The following AFG1L variants were observed in gnomAD, a reference collection of about 807,000 sequenced individuals.
AFG1L encodes the protein AFG1 like ATPase.
A neutral mutation model predicts 62.2 loss-of-function variants in AFG1L; 53 were observed. That is an observed-to-expected ratio of 0.85 (90% CI 0.68 to 1.07). The LOEUF (loss-of-function observed/expected upper bound fraction) is 1.07. Ranked by LOEUF, AFG1L falls within the 50% of genes least tolerant of loss-of-function variation. The pLI is 0.00. For synonymous variants in AFG1L, 228 were observed against 210.3 expected, an observed-to-expected ratio of 1.08 and a Z score of -0.73; for missense variants, 555 against 590.5, an observed-to-expected ratio of 0.94 and a Z score of 0.62.
chr6:108,394,502 C>G (rs1781206723), intron 6 of AFG1L, among the ~76,000 whole-genome samples: 1 of 152,130 alleles, frequency 6.6e-6, no homozygotes, highest in Non-Finnish European at 1.5e-5. Flanking sequence ...CCCCAGGCAG[C>G]TACTGATTAG....
intron 7 of AFG1L, among the ~76,000 whole-genome samples, chr6:108,439,901 CA>C (rs1266580509): frequency 2.0e-5 from 3 of 151,672 alleles, no homozygotes; most frequent in Non-Finnish European, 4.4e-5. Context: ...GTATTCTTAG[CA>C]AAAAAAGTTA....
chr6:108,524,426 A>G lies in AFG1L; in HGVS notation c.*2001A>G. 1 of 152,360 alleles carries G rather than the reference A, an allele frequency of 6.6e-6. No individual in the cohort carries two copies. The highest frequency in any genetic ancestry group is 1.5e-5 in the Non-Finnish European group (1 of 68,044). The allele number at this position is 152,360 out of a possible 1,614,324, so 9.4% of individuals were successfully genotyped here. A position where few individuals can be genotyped will look rare whatever the true frequency, so the allele number is the denominator to read the frequency against. ...AAGTTATGTTATAAAAGTTCATCTG[A>G]GGTCAGATATTGGGAATAAAGTTTC... On this transcript the variant is annotated 3_prime_UTR_variant, in exon 13 of 13. Coordinates refer to ENST00000368977, the MANE Select transcript of AFG1L (RefSeq NM_145315.5).
intron 7 of AFG1L, among the ~76,000 whole-genome samples, chr6:108,431,956 G>A (rs768426166): frequency 6.6e-6 from 1 of 150,512 alleles, no homozygotes; most frequent in Non-Finnish European, 1.5e-5. Context: ...CAGAGTTCCA[G>A]ACACTGACAG....
chr6:108,446,842 T>C (rs967647229), intron 7 of AFG1L, among the ~76,000 whole-genome samples: 2 of 152,076 alleles, frequency 1.3e-5, no homozygotes, highest in South Asian at 2.1e-4. Context: ...CCTGTGGTGC[T>C]TAAGACCCAT....
At chr6:108,385,248 C>G (rs2114570172) in intron 6 of AFG1L, among the ~76,000 whole-genome samples, 1 of 152,334 alleles carries the variant, frequency 6.6e-6, no homozygotes, top group Middle Eastern at 3.4e-3. Context: ...TGGCCATAAA[C>G]AAAATCTCTG....
chr6:108,319,584 A>AATTTTTATTTATCTT (rs1403663008), intron 1 of AFG1L: 1 of 168,692 alleles, frequency 5.9e-6, no homozygotes, highest in African/African-American at 2.4e-5. Context: ...TGGCCAAAAC[A>AATTTTTATTTATCTT]ATTTTTATTT....
At chr6:108,429,567 C>T (rs1024775808) in intron 7 of AFG1L, among the ~76,000 whole-genome samples, 2 of 152,140 alleles carry the variant, frequency 1.3e-5, no homozygotes, top group Admixed American at 1.3e-4. Context: ...TATACTTTGT[C>T]AAAGATCAGC....
Position 108,442,182 on chromosome 6 carries a change from CCTT to C in AFG1L, c.808-5025_808-5023del, listed in dbSNP as rs202169224. ...ATGTTCCCTGCATAAGGACATTTTT[CCTT>C]CTTCTTTTTTTTTTTTACTGGGTGA... is the stretch of plus-strand genomic sequence containing the variant. On this transcript the variant is annotated intron_variant, in intron 7 of 12. Coordinates refer to ENST00000368977, the MANE Select transcript of AFG1L (RefSeq NM_145315.5). Among the ~76,000 whole-genome samples, 589 of 151,014 alleles carry C rather than the reference CCTT, an allele frequency of 3.9e-3. 2 individuals are homozygous for C. Among genetic ancestry groups the C allele is most frequent in the East Asian group, 6.6e-3 (34 of 5,140 alleles).
At chr6:108,335,218 A>G (rs1411041521) in intron 2 of AFG1L, among the ~76,000 whole-genome samples, 1 of 151,848 alleles carries the variant, frequency 6.6e-6, no homozygotes, top group Non-Finnish European at 1.5e-5. Flanking sequence ...TGATCTTCCT[A>G]CCTTGGCCTC....
chr6:108,313,239 C>G, intron 1 of AFG1L, among the ~76,000 whole-genome samples: 1 of 152,274 alleles, frequency 6.6e-6, no homozygotes, highest in East Asian at 1.9e-4. Flanking sequence ...TGCCTTCCTA[C>G]TATACTGGGG....
intron 1 of AFG1L, among the ~76,000 whole-genome samples, chr6:108,296,043 T>G (rs1366959978): frequency 6.6e-6 from 1 of 152,212 alleles, no homozygotes; most frequent in Non-Finnish European, 1.5e-5. Flanking sequence ...CCCTGTAATA[T>G]ACCTTAATAG....
In AFG1L at chr6:108,440,820, C is replaced by CAAAAAAAAAAAAA. The variant is rs372126617; in HGVS notation, c.808-6387_808-6386insAAAAAAAAAAAAA. 2.2e-4 allele frequency among the ~76,000 whole-genome samples: 33 copies of CAAAAAAAAAAAAA among 147,624 alleles called. 1 individual carries two copies. The highest frequency in any genetic ancestry group is 7.4e-3 in the Middle Eastern group (2 of 272). ...TGCACAACAGAGTGAGACTCCATCT[C>CAAAAAAAAAAAAA]AAAAAAAGAAAAAAGGAAAAGAAAA... is the stretch of plus-strand genomic sequence containing the variant. On this transcript the variant is annotated intron_variant, in intron 7 of 12. Coordinates refer to ENST00000368977, the MANE Select transcript of AFG1L (RefSeq NM_145315.5).
intron 2 of AFG1L, among the ~76,000 whole-genome samples, chr6:108,331,727 T>C (rs750807570): frequency 3.3e-5 from 5 of 152,198 alleles, no homozygotes; most frequent in Non-Finnish European, 7.3e-5. Flanking sequence ...ATAATTAGAA[T>C]TACTTTTACA....
chr6:108,312,037 G>C (rs1233507768), intron 1 of AFG1L, among the ~76,000 whole-genome samples: 1 of 151,956 alleles, frequency 6.6e-6, no homozygotes. Context: ...ACTAATTTTT[G>C]TATTTTTAGT....
intron 2 of AFG1L, among the ~76,000 whole-genome samples, chr6:108,333,318 G>A (rs951890204): frequency 2.6e-5 from 4 of 152,072 alleles, no homozygotes; most frequent in African/African-American, 7.2e-5. Flanking sequence ...GCTGAGGCAT[G>A]AGAATCGCTT....
chr6:108,349,536 C>T (rs1357727931), intron 3 of AFG1L, among the ~76,000 whole-genome samples: 1 of 151,916 alleles, frequency 6.6e-6, no homozygotes, highest in Non-Finnish European at 1.5e-5. Flanking sequence ...TTGAGGGGCT[C>T]TCTGTATGGG....
intron 2 of AFG1L, among the ~76,000 whole-genome samples, chr6:108,340,859 A>G (rs1339469834): frequency 1.3e-5 from 2 of 152,300 alleles, no homozygotes; most frequent in South Asian, 2.1e-4. Flanking sequence ...GCAGTTTCAC[A>G]TAGGAAGTTG....
At chr6:108,509,260 TGAGTCCCATACTCTCCTCGTATCAG>T (rs1436513912) in intron 10 of AFG1L, among the ~76,000 whole-genome samples, 2 of 152,202 alleles carry the variant, frequency 1.3e-5, no homozygotes, top group Admixed American at 1.3e-4. Context: ...TTGTGGACCT[TGAGTCCCATACTCTCCTCGTATCAG>T]GAGGCAGTGT....
chr6:108,364,803 T>G (rs1202876630), intron 5 of AFG1L, among the ~76,000 whole-genome samples: 2 of 150,758 alleles, frequency 1.3e-5, no homozygotes, highest in African/African-American at 4.9e-5. Context: ...CATTTTGAAG[T>G]TCCTGAAGTC....
Sources: allele counts gnomAD v4.1 joint callset (sites outside exome capture counted in the v4.1 genomes callset), GRCh38; gene constraint gnomAD v4.1.1; transcripts MANE v1.5; gene names NCBI Gene and HGNC (gene_info 2026-07-23, HGNC 2026-07-21).